Variants in SPOCK3 observed in about 807,000 individuals in gnomAD.
SPOCK3 encodes the protein testican-3.
Under a neutral mutation model 56.6 loss-of-function variants are expected in SPOCK3, and 30 were observed. That is an observed-to-expected ratio of 0.53 (90% CI 0.40 to 0.72). The LOEUF (loss-of-function observed/expected upper bound fraction) is 0.72, where lower values mean the gene tolerates loss of function less well. Among genes scored for constraint, SPOCK3 ranks in the 30% least tolerant of loss-of-function variants. The pLI, the probability that SPOCK3 is intolerant of heterozygous loss-of-function variation, is 0.00. For missense variants in SPOCK3, 527 were observed against 530.0 expected, an observed-to-expected ratio of 0.99 and a Z score of 0.06; for synonymous variants, 196 against 183.3, an observed-to-expected ratio of 1.07 and a Z score of -0.56.
intron 2 of SPOCK3, among the ~76,000 whole-genome samples, chr4:167,176,205 T>C (rs959995518): frequency 6.6e-6 from 1 of 152,076 alleles, no homozygotes; most frequent in Admixed American, 6.6e-5. Context: ...CACAAGAAAA[T>C]TCAGGATAAT....
chr4:166,803,373 T>C (rs940388650), intron 6 of SPOCK3, among the ~76,000 whole-genome samples: 3 of 152,046 alleles, frequency 2.0e-5, no homozygotes, highest in Admixed American at 2.0e-4. Flanking sequence ...CATTAGAGAG[T>C]ACAAGTTGAA....
chr4:166,932,273 T>C (rs1291041572), intron 4 of SPOCK3, among the ~76,000 whole-genome samples: 1 of 152,184 alleles, frequency 6.6e-6, no homozygotes, highest in African/African-American at 2.4e-5. Flanking sequence ...AATGGGAAAG[T>C]ATCATATCTG....
chr4:166,885,348 C>T (rs904651238), intron 6 of SPOCK3, among the ~76,000 whole-genome samples: 1 of 151,700 alleles, frequency 6.6e-6, no homozygotes, highest in African/African-American at 2.4e-5. Context: ...CTAAGATTTA[C>T]TAGAAACTGT....
rs1358403531 is a variant in SPOCK3, at chr4:167,161,590, C to T, written c.189+72395G>A. ...ATGCTGCTATAAAGGCACACGCTCA[C>T]GTATGGTTATTGCGGCACTATTCAC... On this transcript the variant is annotated intron_variant, in intron 2 of 10. Transcript: ENST00000357545. 7.9e-5 allele frequency among the ~76,000 whole-genome samples: 12 copies of T among 152,088 alleles called. No individual in the cohort carries two copies. The South Asian group carries it at 1.9e-3, about 24-fold the overall frequency.
At chr4:167,043,915 T>C (rs1015693744) in intron 3 of SPOCK3, among the ~76,000 whole-genome samples, 1 of 152,142 alleles carries the variant, frequency 6.6e-6, no homozygotes, top group East Asian at 1.9e-4. Context: ...TTCTTTGTAA[T>C]GTGTTTGTCT....
chr4:167,084,680 C>T (rs1288447644), intron 2 of SPOCK3, among the ~76,000 whole-genome samples: 1 of 152,098 alleles, frequency 6.6e-6, no homozygotes, highest in Non-Finnish European at 1.5e-5. Flanking sequence ...GCTTAGGTAT[C>T]TGAGGTGCCC....
chr4:166,823,111 G>A (rs926693682), intron 6 of SPOCK3, among the ~76,000 whole-genome samples: 3 of 151,942 alleles, frequency 2.0e-5, no homozygotes, highest in African/African-American at 7.3e-5. Context: ...TTCCGAAAAG[G>A]TTTCTTATTT....
In SPOCK3 at chr4:166,837,485, G is replaced by A. The variant is rs1027194703; in HGVS notation, c.590-45196C>T. 3.3e-5 allele frequency among the ~76,000 whole-genome samples: 5 copies of A among 152,096 alleles called. 1 individual carries two copies. In the South Asian group the frequency reaches 1.0e-3, roughly 32 times the overall value. On this transcript the variant is annotated intron_variant, in intron 6 of 10. Coordinates refer to ENST00000357545, the MANE Select transcript of SPOCK3 (RefSeq NM_001040159.2). ...CACCTGGCCTGTATAGCTTTTTACT[G>A]CTTGCTCTAGCCATTACATTATATA... is the stretch of plus-strand genomic sequence containing the variant.
intron 6 of SPOCK3, among the ~76,000 whole-genome samples, chr4:166,872,916 A>C (rs949851711): frequency 6.6e-6 from 1 of 152,130 alleles, no homozygotes; most frequent in Non-Finnish European, 1.5e-5. Context: ...GCATGTGTAA[A>C]GCGATCACCT....
At chr4:166,783,420 T>C (rs761270337) in intron 7 of SPOCK3, among the ~76,000 whole-genome samples, 12 of 152,084 alleles carry the variant, frequency 7.9e-5, no homozygotes, top group Middle Eastern at 3.4e-3. Flanking sequence ...TTCTACCTCA[T>C]GAAAAAAGGG....
At chr4:166,796,450 A>G (rs904818983) in intron 6 of SPOCK3, among the ~76,000 whole-genome samples, 7 of 152,158 alleles carry the variant, frequency 4.6e-5, no homozygotes, top group Admixed American at 6.5e-5. Context: ...GTTTTGTTCC[A>G]ATAGTATATT....
chr4:167,095,214 A>T (rs1759047780), intron 2 of SPOCK3, among the ~76,000 whole-genome samples: 1 of 152,092 alleles, frequency 6.6e-6, no homozygotes, highest in African/African-American at 2.4e-5. Flanking sequence ...ATATCTGGGA[A>T]CCCTCTGGCC....
chr4:166,972,140 A>C (rs1745459131), intron 4 of SPOCK3, among the ~76,000 whole-genome samples: 1 of 152,194 alleles, frequency 6.6e-6, no homozygotes, highest in African/African-American at 2.4e-5. Flanking sequence ...CTGTGCAAAC[A>C]AACACTGATA....
At chr4:166,883,477 A>T (rs989912736) in intron 6 of SPOCK3, among the ~76,000 whole-genome samples, 1 of 152,220 alleles carries the variant, frequency 6.6e-6, no homozygotes, top group Non-Finnish European at 1.5e-5. Flanking sequence ...ATAAACAGCT[A>T]TCTTTTTGTT....
intron 2 of SPOCK3, among the ~76,000 whole-genome samples, chr4:167,072,433 T>G (rs1756771348): frequency 6.6e-6 from 1 of 151,908 alleles, no homozygotes; most frequent in African/African-American, 2.4e-5. Context: ...ATATTCAGTA[T>G]CTGGTCTTTT....
intron 4 of SPOCK3, among the ~76,000 whole-genome samples, chr4:166,984,272 G>T (rs1377853481): frequency 6.6e-6 from 1 of 152,032 alleles, no homozygotes; most frequent in African/African-American, 2.4e-5. Context: ...GAGCAAGGTT[G>T]TATGGCTTTC....
intron 4 of SPOCK3, among the ~76,000 whole-genome samples, chr4:166,942,536 C>A (rs914948552): frequency 4.0e-5 from 6 of 150,862 alleles, no homozygotes; most frequent in Non-Finnish European, 8.8e-5. Context: ...GACATGAACT[C>A]TGGAAATACT....
chr4:167,221,267 C>G (rs77634468), intron 2 of SPOCK3, among the ~76,000 whole-genome samples: 2 of 151,970 alleles, frequency 1.3e-5, no homozygotes, highest in Admixed American at 6.6e-5. Context: ...ACTTGAGAAG[C>G]GAAAGTGGGA....
intron 2 of SPOCK3, among the ~76,000 whole-genome samples, chr4:167,158,650 C>T (rs1175970366): frequency 6.6e-6 from 1 of 151,876 alleles, no homozygotes; most frequent in East Asian, 1.9e-4. Flanking sequence ...TAGTAAAAGC[C>T]TAAGATTATT....
Sources: gnomAD v4.1 joint callset for allele counts (sites outside exome capture counted in the v4.1 genomes callset) on GRCh38, gnomAD v4.1.1 for gene constraint, MANE v1.5 for transcripts, NCBI Gene and HGNC (gene_info 2026-07-23, HGNC 2026-07-21) for gene names.